The following SOX6 variants were observed in gnomAD, a reference collection of about 807,000 sequenced individuals.
SOX6 encodes the protein transcription factor SOX-6.
SOX6 carries 11 observed loss-of-function variants against 97.8 expected under a neutral mutation model. The observed-to-expected ratio is 0.11, with a 90% CI of 0.07 to 0.19. SOX6 has a LOEUF of 0.19. SOX6 is among the 10% of genes least tolerant of loss of function. The probability of loss-of-function intolerance (pLI) is 1.00; values close to 1 mark genes in which losing one functional copy is unlikely to be tolerated. For synonymous variants in SOX6, 360 were observed against 371.4 expected, an observed-to-expected ratio of 0.97 and a Z score of 0.35; for missense variants, 810 against 1,039.5, an observed-to-expected ratio of 0.78 and a Z score of 3.04.
intron 1 of SOX6, among the ~76,000 whole-genome samples, chr11:16,431,682 A>G (rs1859275401): frequency 1.3e-5 from 2 of 152,132 alleles, no homozygotes; most frequent in Admixed American, 1.3e-4. Flanking sequence ...ACAACTATGA[A>G]GCATATTAAT....
chr11:16,287,131 G>A (rs979398992), intron 3 of SOX6, among the ~76,000 whole-genome samples: 2 of 151,972 alleles, frequency 1.3e-5, no homozygotes, highest in African/African-American at 4.8e-5. Flanking sequence ...TTGTTGTTCT[G>A]ATGAAAAGCG....
At chr11:16,540,669 CA>C (rs1484705566) in intron 4 of SOX6, among the ~76,000 whole-genome samples, 7 of 152,266 alleles carry the variant, frequency 4.6e-5, no homozygotes, top group African/African-American at 1.4e-4. Context: ...CACTCCTATA[CA>C]CCAATAACAG....
intron 6 of SOX6, among the ~76,000 whole-genome samples, chr11:16,151,058 C>T (rs910961765): frequency 3.3e-5 from 5 of 152,084 alleles, no homozygotes; most frequent in Non-Finnish European, 5.9e-5. Flanking sequence ...CCAATTAATA[C>T]TTTTGGATTT....
At chr11:16,016,544 A>T (rs1269184066) in intron 12 of SOX6, among the ~76,000 whole-genome samples, 1 of 152,086 alleles carries the variant, frequency 6.6e-6, no homozygotes, top group Non-Finnish European at 1.5e-5. Context: ...TCCTATGTGA[A>T]AATACTGGTG....
At chr11:15,986,519 C>A (rs540354126) in intron 14 of SOX6, 99 bp from the exon 15 acceptor site, 1 of 1,147,562 alleles carries the variant, frequency 8.7e-7, no homozygotes, top group Non-Finnish European at 1.3e-6. Flanking sequence ...CTCATCTGTG[C>A]GCTGGGTGGC....
intron 15 of SOX6, among the ~76,000 whole-genome samples, chr11:15,980,591 T>G (rs1853625890): frequency 6.6e-6 from 1 of 152,096 alleles, no homozygotes; most frequent in African/African-American, 2.4e-5. Flanking sequence ...ATCTTATGTT[T>G]TCTTTACTGC....
intron 3 of SOX6, among the ~76,000 whole-genome samples, chr11:16,655,250 GT>G (rs780162399): frequency 1.3e-5 from 2 of 152,126 alleles, no homozygotes; most frequent in Non-Finnish European, 2.9e-5. Context: ...GGAGGGGCTG[GT>G]AAAGGTAAGA....
At chr11:16,146,738 A>G (rs1850314907) in intron 6 of SOX6, among the ~76,000 whole-genome samples, 2 of 152,250 alleles carry the variant, frequency 1.3e-5, no homozygotes, top group Non-Finnish European at 2.9e-5. Context: ...TGCAGCCAAC[A>G]GACACATGAA....
intron 4 of SOX6, among the ~76,000 whole-genome samples, chr11:16,568,708 C>T (rs1205378662): frequency 6.6e-6 from 1 of 152,076 alleles, no homozygotes. Context: ...TCTGAGAACC[C>T]TTAACTCAGT....
At position 16,613,953 on chromosome 11, in the gene SOX6, G is replaced by A. The variant is rs1311163072; in HGVS notation, n.430-1693C>T. 6.6e-6 allele frequency among the ~76,000 whole-genome samples: 1 copy of A among 152,184 alleles called. No homozygotes were observed. ...GAGAAGCAAAGGGAGGGCGCCCTGC[G>A]GGCGGGCGGGCCACGCTAGGCGCCG... On this transcript the variant is annotated intron_variant and non_coding_transcript_variant, in intron 3 of 5. Transcript: ENST00000524520. The surrounding 1 kb of genome is among the most constrained non-coding windows in gnomAD (Gnocchi z 4.6).
At chr11:16,564,648 G>C (rs1326182022) in intron 4 of SOX6, among the ~76,000 whole-genome samples, 1 of 151,980 alleles carries the variant, frequency 6.6e-6, no homozygotes, top group Non-Finnish European at 1.5e-5. Flanking sequence ...CTGGAAATCA[G>C]TAAGAAAGAA....
intron 3 of SOX6, among the ~76,000 whole-genome samples, chr11:16,673,435 T>A (rs1847861393): frequency 1.3e-5 from 2 of 151,990 alleles, no homozygotes; most frequent in Admixed American, 6.6e-5. Context: ...ACTACTGATA[T>A]CAGAGAAATT....
At chr11:16,292,294 T>G (rs1337931934) in intron 3 of SOX6, among the ~76,000 whole-genome samples, 2 of 152,116 alleles carry the variant, frequency 1.3e-5, no homozygotes, top group Admixed American at 6.6e-5. Flanking sequence ...TAAGAAACAT[T>G]AATTATATCC....
intron 4 of SOX6, among the ~76,000 whole-genome samples, chr11:16,559,908 G>T (rs767443218): frequency 6.6e-6 from 1 of 151,986 alleles, no homozygotes; most frequent in Non-Finnish European, 1.5e-5. Context: ...ATATTCAAAT[G>T]CATTTCTACA....
chr11:16,190,995 A>C (rs1804520805), intron 4 of SOX6, among the ~76,000 whole-genome samples: 1 of 152,138 alleles, frequency 6.6e-6, no homozygotes, highest in South Asian at 2.1e-4. Context: ...TTTTTATCTT[A>C]AAAAAATTAA....
chr11:16,221,565 A>T (rs1326409216), intron 4 of SOX6, among the ~76,000 whole-genome samples: 2 of 152,122 alleles, frequency 1.3e-5, no homozygotes, highest in African/African-American at 4.8e-5. Flanking sequence ...TGAAATAACA[A>T]CTAAGAAAAT....
At chr11:16,198,112 G>A (rs147552767) in intron 4 of SOX6, among the ~76,000 whole-genome samples, 1 of 151,858 alleles carries the variant, frequency 6.6e-6, no homozygotes, top group African/African-American at 2.4e-5. Context: ...GGAGTGCAGT[G>A]GCTCGATCTT....
intron 3 of SOX6, among the ~76,000 whole-genome samples, chr11:16,704,937 A>G (rs547079313): frequency 1.4e-4 from 22 of 152,320 alleles, no homozygotes; most frequent in Admixed American, 7.8e-4. Context: ...GAAAAAATAT[A>G]TATTTGTCAT....
rs549912085 is a variant in SOX6, at chr11:16,014,878, T to A, written c.1732+64A>T. The A allele has an allele frequency of 4.6e-5, 67 of 1,448,670 alleles. No homozygotes were observed. In the South Asian group the frequency reaches 6.4e-4, roughly 14 times the overall value. The allele number at this position is 1,448,670 out of a possible 1,614,324, so 89.7% of individuals were successfully genotyped here. On this transcript the variant is annotated intron_variant, in intron 13 of 15. Transcript: ENST00000683767. The stretch of plus-strand genomic sequence containing the variant: ...TGAAAAACTATAAAGATCCTATATC[T>A]AGCTCAGACACACATTTGGAAACAC...
Sources: gnomAD v4.1 joint callset for allele counts (sites outside exome capture counted in the v4.1 genomes callset) on GRCh38, gnomAD v4.1.1 for gene constraint, Gnocchi (gnomAD v3.1) non-coding constraint, MANE v1.5 for transcripts, NCBI Gene and HGNC (gene_info 2026-07-23, HGNC 2026-07-21) for gene names.